The following MACROD2 variants were observed in gnomAD, a reference collection of about 807,000 sequenced individuals.
The protein encoded by MACROD2 is ADP-ribose glycohydrolase MACROD2.
In MACROD2, 36 loss-of-function variants were observed where a neutral mutation model predicts 70.4. The ratio of observed to expected loss-of-function variants is 0.51; its 90% confidence interval spans 0.39 to 0.68. MACROD2 has a LOEUF of 0.68. MACROD2 is among the 30% of genes least tolerant of loss of function. MACROD2 has a pLI of 0.00. For synonymous variants in MACROD2, 172 were observed against 178.8 expected, an observed-to-expected ratio of 0.96 and a Z score of 0.30; for missense variants, 496 against 538.4, an observed-to-expected ratio of 0.92 and a Z score of 0.78.
At chr20:15,676,957 A>T (rs1045658889) in intron 8 of MACROD2, among the ~76,000 whole-genome samples, 5 of 152,222 alleles carry the variant, frequency 3.3e-5, no homozygotes, top group African/African-American at 9.7e-5. Context: ...CTTGATGGGG[A>T]TGCAATCTAA....
chr20:14,665,805 C>G (rs772078573), intron 4 of MACROD2, among the ~76,000 whole-genome samples: 1 of 152,002 alleles, frequency 6.6e-6, no homozygotes, highest in African/African-American at 2.4e-5. Context: ...CTCCAGGGCA[C>G]TTTTATCTTC....
At chr20:14,228,995 AAAAAAAAAAAG>A (rs1416027745) in intron 3 of MACROD2, among the ~76,000 whole-genome samples, 2 of 151,396 alleles carry the variant, frequency 1.3e-5, no homozygotes, top group African/African-American at 2.4e-5. Flanking sequence ...CTGTCTCAAA[AAAAAAAAAAAG>A]AAAAGAAAAA....
At chr20:14,874,103 A>C (rs2073521025) in intron 5 of MACROD2, among the ~76,000 whole-genome samples, 1 of 152,046 alleles carries the variant, frequency 6.6e-6, no homozygotes, top group Non-Finnish European at 1.5e-5. Flanking sequence ...TATTAGGAGA[A>C]TATATTTATA....
intron 13 of MACROD2, among the ~76,000 whole-genome samples, chr20:15,985,198 C>A (rs183980647): frequency 6.6e-6 from 1 of 152,094 alleles, no homozygotes; most frequent in South Asian, 2.1e-4. Context: ...TACACCGGAC[C>A]TGTTTTTGTT....
At chr20:15,908,562 A>G (rs2065184444) in intron 10 of MACROD2, among the ~76,000 whole-genome samples, 1 of 152,214 alleles carries the variant, frequency 6.6e-6, no homozygotes, top group African/African-American at 2.4e-5. Flanking sequence ...GTTGGAATCC[A>G]TATCACCTTC....
At chr20:14,325,316 C>T in intron 3 of MACROD2, 2 of 363,386 alleles carry the variant, frequency 5.5e-6, no homozygotes, top group Non-Finnish European at 9.8e-6. Context: ...GTACAAATTA[C>T]TAAAAAATAC....
intron 5 of MACROD2, among the ~76,000 whole-genome samples, chr20:15,217,649 T>G (rs2076822438): frequency 6.6e-6 from 1 of 152,202 alleles, no homozygotes; most frequent in Non-Finnish European, 1.5e-5. Context: ...CTCAAGCCAT[T>G]TTCTCATATC....
chr20:14,529,028 G>A (rs745932942), intron 4 of MACROD2, among the ~76,000 whole-genome samples: 2 of 152,090 alleles, frequency 1.3e-5, no homozygotes, highest in African/African-American at 4.8e-5. Flanking sequence ...ACCTTGATGA[G>A]TTCATTCACT....
chr20:14,947,807 A>G (rs879474856), intron 5 of MACROD2, among the ~76,000 whole-genome samples: 5 of 152,134 alleles, frequency 3.3e-5, no homozygotes, highest in Non-Finnish European at 5.9e-5. Context: ...TTGGTCATGG[A>G]TCAGAGTGAA....
At chr20:14,630,979 G>C (rs1984476236) in intron 4 of MACROD2, among the ~76,000 whole-genome samples, 2 of 152,038 alleles carry the variant, frequency 1.3e-5, no homozygotes, top group Admixed American at 6.6e-5. Context: ...TGTAACAGCT[G>C]TGATTTTCCA....
rs2067372152 is a variant in MACROD2, at chr20:16,045,817, G to A, written c.1300+1178G>A. The stretch of plus-strand genomic sequence containing the variant: ...GCAATCAACCTAAAAGATATCACTG[G>A]ACGGGGGCAGCGGGGAGCAAAATGG... On this transcript the variant is annotated intron_variant, in intron 17 of 17. Transcript: ENST00000684519. Among the ~76,000 whole-genome samples the A allele has an allele frequency of 2.0e-5, 3 of 152,004 alleles. No homozygotes were observed. In the South Asian group the frequency reaches 6.2e-4, roughly 32 times the overall value.
At chr20:14,539,623 G>A (rs376807376) in intron 4 of MACROD2, among the ~76,000 whole-genome samples, 9 of 152,144 alleles carry the variant, frequency 5.9e-5, no homozygotes, top group Non-Finnish European at 1.2e-4. Context: ...AAACAAAGTA[G>A]TTACTTCTAA....
At chr20:14,257,143 A>G (rs4380310) in intron 3 of MACROD2, among the ~76,000 whole-genome samples, 2,334 of 152,300 alleles carry the variant, frequency 0.015, 24 homozygotes, top group African/African-American at 0.027. Flanking sequence ...CCCTGCACCA[A>G]TAAGGTACAT....
At chr20:15,036,262 G>A (rs1309919381) in intron 5 of MACROD2, among the ~76,000 whole-genome samples, 1 of 152,106 alleles carries the variant, frequency 6.6e-6, no homozygotes, top group African/African-American at 2.4e-5. Flanking sequence ...AACACTTGTA[G>A]AACTTGGATG....
intron 3 of MACROD2, among the ~76,000 whole-genome samples, chr20:14,265,305 T>C (rs949987734): frequency 5.3e-5 from 8 of 152,268 alleles, no homozygotes; most frequent in Non-Finnish European, 1.2e-4. Flanking sequence ...GGTTGTATGA[T>C]GGACTTTCTT....
chr20:14,834,124 T>C (rs945687842), intron 5 of MACROD2, among the ~76,000 whole-genome samples: 15 of 152,092 alleles, frequency 9.9e-5, no homozygotes, highest in Non-Finnish European at 1.5e-4. Context: ...AAACAAAATT[T>C]ACTCTTGCTT....
intron 5 of MACROD2, among the ~76,000 whole-genome samples, chr20:14,865,128 T>C (rs919192103): frequency 1.3e-5 from 2 of 152,054 alleles, no homozygotes; most frequent in African/African-American, 4.8e-5. Flanking sequence ...TTTCCCAGCC[T>C]CCCATGTCTG....
intron 5 of MACROD2, among the ~76,000 whole-genome samples, chr20:14,908,995 G>C (rs2073993811): frequency 6.6e-6 from 1 of 152,168 alleles, no homozygotes; most frequent in Non-Finnish European, 1.5e-5. Context: ...CTATGGGTTA[G>C]ACCACTGCAG....
chr20:15,332,027 A>G (rs1417422330), intron 6 of MACROD2, among the ~76,000 whole-genome samples: 2 of 151,596 alleles, frequency 1.3e-5, no homozygotes, highest in Non-Finnish European at 2.9e-5. Flanking sequence ...AATTAAGGTT[A>G]TAGTTAATAG....
Sources: gnomAD v4.1 joint callset for allele counts (sites outside exome capture counted in the v4.1 genomes callset) on GRCh38, gnomAD v4.1.1 for gene constraint, MANE v1.5 for transcripts, NCBI Gene and HGNC (gene_info 2026-07-23, HGNC 2026-07-21) for gene names.